Variants in VWA8 observed in about 807,000 individuals in gnomAD.
VWA8 encodes von Willebrand factor A domain-containing protein 8.
In VWA8, 221 loss-of-function variants were observed where a neutral mutation model predicts 241.5. That is an observed-to-expected ratio of 0.91 (90% CI 0.82 to 1.02). The LOEUF (loss-of-function observed/expected upper bound fraction) is 1.02, where lower values mean the gene tolerates loss of function less well. Among genes scored for constraint, VWA8 ranks in the 50% least tolerant of loss-of-function variants. VWA8 has a pLI of 0.00. For missense variants in VWA8, 2,322 were observed against 2,328.7 expected (o/e 1.00, Z 0.06); for synonymous variants, 852 against 827.1 (o/e 1.03, Z -0.52).
At chr13:41,877,407 A>G (rs1474775815) in intron 9 of VWA8, among the ~76,000 whole-genome samples, 1 of 152,064 alleles carries the variant, frequency 6.6e-6, no homozygotes, top group Admixed American at 6.6e-5. Flanking sequence ...CTTAAAAAAA[A>G]AACAAAACAC....
intron 10 of VWA8, among the ~76,000 whole-genome samples, chr13:41,867,125 C>T (rs981852145): frequency 4.6e-5 from 7 of 152,146 alleles, no homozygotes; most frequent in Non-Finnish European, 1.0e-4. Context: ...AAAGCCATTA[C>T]CAAAGGGAAG....
At chr13:41,672,392 A>G (rs1166693127) in intron 36 of VWA8, among the ~76,000 whole-genome samples, 2 of 152,198 alleles carry the variant, frequency 1.3e-5, no homozygotes, top group African/African-American at 4.8e-5. Context: ...TATAGCTCTT[A>G]TTATACAAAA....
intron 37 of VWA8, among the ~76,000 whole-genome samples, chr13:41,631,430 C>T (rs186052613): frequency 1.9e-4 from 29 of 152,212 alleles, no homozygotes; most frequent in African/African-American, 6.0e-4. Flanking sequence ...AAGGTCTCAG[C>T]TCAGTTAGTT....
In VWA8 at chr13:41,907,738, A is replaced by G; in HGVS notation, c.373-42T>C. ...GAAATTATTCCAAAAATAAAATCAA[A>G]TTTCCAGCATATGATTTGGAACTAG... is the stretch of plus-strand genomic sequence containing the variant. On this transcript the variant is annotated intron_variant, in intron 3 of 44. Transcript: ENST00000379310. 3.9e-6 allele frequency: 6 copies of G among 1,555,998 alleles called. No individual in the cohort carries two copies. In the South Asian group the frequency reaches 6.7e-5, roughly 17 times the overall value.
chr13:41,951,484 T>G (rs1878136126), intron 1 of VWA8, among the ~76,000 whole-genome samples: 1 of 152,212 alleles, frequency 6.6e-6, no homozygotes, highest in Non-Finnish European at 1.5e-5. Context: ...AAGTTTTCAG[T>G]AAGTTCTATA....
At chr13:41,635,723 A>C (rs2044752231) in intron 37 of VWA8, among the ~76,000 whole-genome samples, 1 of 152,156 alleles carries the variant, frequency 6.6e-6, no homozygotes, top group Non-Finnish European at 1.5e-5. Flanking sequence ...AGTGGAGCAA[A>C]CCAGAAGAGC....
chr13:41,718,679 G>A (rs2045362258), intron 26 of VWA8, among the ~76,000 whole-genome samples: 1 of 151,302 alleles, frequency 6.6e-6, no homozygotes, highest in Non-Finnish European at 1.5e-5. Context: ...AAATATGGAT[G>A]AGTATACACT....
intron 21 of VWA8, among the ~76,000 whole-genome samples, chr13:41,744,549 T>C (rs1424261974): frequency 6.6e-6 from 1 of 152,164 alleles, no homozygotes; most frequent in Admixed American, 6.6e-5. Context: ...CATCTGAAGA[T>C]TCTGGCTAAA....
intron 40 of VWA8, among the ~76,000 whole-genome samples, chr13:41,602,962 G>C (rs906579273): frequency 6.6e-6 from 1 of 152,058 alleles, no homozygotes; most frequent in Non-Finnish European, 1.5e-5. Context: ...GGATTAAATT[G>C]CTTTTATCTT....
At chr13:41,687,907 C>T (rs2045147761) in intron 34 of VWA8, among the ~76,000 whole-genome samples, 1 of 151,990 alleles carries the variant, frequency 6.6e-6, no homozygotes, top group African/African-American at 2.4e-5. Flanking sequence ...AGAAACAGTG[C>T]CTTAACTTAG....
At chr13:41,924,969 ATAAT>A (rs1462633894) in intron 2 of VWA8, among the ~76,000 whole-genome samples, 1 of 152,166 alleles carries the variant, frequency 6.6e-6, no homozygotes, top group Non-Finnish European at 1.5e-5. Context: ...AATGTACATT[ATAAT>A]TAGTCTGTCA....
intron 41 of VWA8, among the ~76,000 whole-genome samples, chr13:41,590,407 A>G (rs1228045419): frequency 6.6e-6 from 1 of 152,006 alleles, no homozygotes; most frequent in African/African-American, 2.4e-5. Flanking sequence ...TTCTTAAATT[A>G]CCTAATTTGA....
intron 37 of VWA8, among the ~76,000 whole-genome samples, chr13:41,665,361 A>C (rs537633638): frequency 6.6e-6 from 1 of 152,134 alleles, no homozygotes; most frequent in Non-Finnish European, 1.5e-5. Flanking sequence ...AGAATAAGTA[A>C]TTTGCCAGAG....
At chr13:41,581,222 T>G (rs2044381234) in intron 42 of VWA8, among the ~76,000 whole-genome samples, 1 of 79,366 alleles carries the variant, frequency 1.3e-5, no homozygotes, top group Non-Finnish European at 2.1e-5. Context: ...CAGGATGGTC[T>G]CGATCTCCTG....
chr13:41,745,539 T>G (rs2045599023), intron 21 of VWA8, among the ~76,000 whole-genome samples: 1 of 152,098 alleles, frequency 6.6e-6, no homozygotes, highest in Admixed American at 6.6e-5. Context: ...TATCAAAAAG[T>G]GGGCAAAGGA....
rs554476856 is a variant in VWA8 at position 41,695,060 on chromosome 13, G to T, written c.3565-2088C>A. Reference sequence around the variant, plus strand: ...TAGATTCTGTCTGGGTTTAAAAATAGAATTTTGCGTCACACATGAGTACAT... The same window carrying T: ...TAGATTCTGTCTGGGTTTAAAAATATAATTTTGCGTCACACATGAGTACAT... On this transcript the variant is annotated intron_variant, in intron 29 of 44. Coordinates refer to ENST00000379310, the MANE Select transcript of VWA8 (RefSeq NM_015058.2). 2.6e-5 allele frequency among the ~76,000 whole-genome samples: 4 copies of T among 152,284 alleles called. No individual in the cohort carries two copies. The East Asian group carries it at 7.7e-4, about 29-fold the overall frequency.
chr13:41,820,857 G>A (rs1305829276), intron 14 of VWA8, among the ~76,000 whole-genome samples: 1 of 152,144 alleles, frequency 6.6e-6, no homozygotes, highest in East Asian at 1.9e-4. Context: ...CTATAATCCA[G>A]AAAACTGCCA....
At position 41,719,757 on chromosome 13, in the gene VWA8, A is replaced by G; in HGVS notation, c.2965-15T>C. 6.2e-7 allele frequency: 1 copy of G among 1,603,108 alleles called. No individual in the cohort carries two copies. The highest frequency in any genetic ancestry group is 8.5e-7 in the Non-Finnish European group (1 of 1,174,702). On this transcript the variant is annotated splice_polypyrimidine_tract_variant and intron_variant, in intron 25 of 44. Coordinates refer to ENST00000379310, the MANE Select transcript of VWA8 (RefSeq NM_015058.2). Reference sequence around the variant, plus strand: ...GTCGGAAATTTCTGTATTAAAAAAAAATTCCCTTATTATGCATGTGATAAA... The same window carrying G: ...GTCGGAAATTTCTGTATTAAAAAAAGATTCCCTTATTATGCATGTGATAAA...
chr13:41,785,112 T>A (rs1402991147), intron 18 of VWA8, among the ~76,000 whole-genome samples: 1 of 152,002 alleles, frequency 6.6e-6, no homozygotes, highest in Non-Finnish European at 1.5e-5. Context: ...ACATTAATAG[T>A]AGTAGGTATT....
Sources: allele counts gnomAD v4.1 joint callset (sites outside exome capture counted in the v4.1 genomes callset), GRCh38; gene constraint gnomAD v4.1.1; transcripts MANE v1.5; gene names NCBI Gene and HGNC (gene_info 2026-07-23, HGNC 2026-07-21).